The following CADM1 variants were observed in gnomAD, a reference collection of about 807,000 sequenced individuals.
CADM1 encodes cell adhesion molecule 1.
In CADM1, 15 loss-of-function variants were observed where a neutral mutation model predicts 53.1. The observed-to-expected ratio is 0.28, with a 90% CI of 0.19 to 0.44. The LOEUF (loss-of-function observed/expected upper bound fraction) is 0.44. Among genes scored for constraint, CADM1 ranks in the 20% least tolerant of loss-of-function variants. The pLI is 1.00. For synonymous variants in CADM1, 281 were observed against 243.0 expected, an observed-to-expected ratio of 1.16 and a Z score of -1.45; for missense variants, 434 against 611.3, an observed-to-expected ratio of 0.71 and a Z score of 3.06.
chr11:115,191,256 G>A (rs1029585631), intron 9 of CADM1, among the ~76,000 whole-genome samples: 5 of 152,154 alleles, frequency 3.3e-5, no homozygotes, highest in East Asian at 1.9e-4. Context: ...GTTAGCTGTC[G>A]ATGCTCTGAT....
At chr11:115,245,010 G>A (rs796527237) in intron 1 of CADM1, among the ~76,000 whole-genome samples, 3 of 152,146 alleles carry the variant, frequency 2.0e-5, no homozygotes, top group Non-Finnish European at 4.4e-5. Context: ...TTACACCGGG[G>A]GAGTCTCTCT....
intron 10 of CADM1, chr11:115,190,520 T>C (rs2134640746): frequency 5.7e-6 from 1 of 174,528 alleles, no homozygotes; most frequent in South Asian, 1.7e-4. Context: ...AAAAAAGATC[T>C]TGTCACATAA....
intron 1 of CADM1, among the ~76,000 whole-genome samples, chr11:115,251,065 A>G (rs1321220268): frequency 6.6e-6 from 1 of 152,236 alleles, no homozygotes; most frequent in Non-Finnish European, 1.5e-5. Flanking sequence ...CAGCCAATCT[A>G]TCAGCAACCA....
intron 1 of CADM1, chr11:115,240,661 T>C: frequency 1.8e-6 from 1 of 542,654 alleles, no homozygotes; most frequent in Non-Finnish European, 3.3e-6. Context: ...GTACAAAAGG[T>C]TTCAGCCTCT....
At chr11:115,279,410 C>A (rs1182819364) in intron 1 of CADM1, among the ~76,000 whole-genome samples, 1 of 152,132 alleles carries the variant, frequency 6.6e-6, no homozygotes, top group Non-Finnish European at 1.5e-5. Context: ...GGGGAATTAT[C>A]CTGTACACAG....
chr11:115,388,798 A>C (rs1946763472), intron 1 of CADM1, among the ~76,000 whole-genome samples: 1 of 152,114 alleles, frequency 6.6e-6, no homozygotes, highest in South Asian at 2.1e-4. Context: ...TTCCCCATTA[A>C]AGTAGATTGA....
At chr11:115,439,323 A>C (rs1948255885) in intron 1 of CADM1, among the ~76,000 whole-genome samples, 1 of 152,188 alleles carries the variant, frequency 6.6e-6, no homozygotes, top group South Asian at 2.1e-4. Context: ...AAGAGCCTAG[A>C]TAGGTGTCCA....
At chr11:115,271,407 C>T (rs1476127660) in intron 1 of CADM1, among the ~76,000 whole-genome samples, 4 of 152,054 alleles carry the variant, frequency 2.6e-5, no homozygotes, top group East Asian at 1.9e-4. Context: ...CTCAGCCTCC[C>T]GAGTAGCTGG....
At chr11:115,256,467 G>A (rs1385291999) in intron 1 of CADM1, among the ~76,000 whole-genome samples, 2 of 152,332 alleles carry the variant, frequency 1.3e-5, no homozygotes, top group Non-Finnish European at 1.5e-5. Context: ...AGTCACTGGA[G>A]TCAGCGTGCC....
At chr11:115,454,710 C>A (rs1026749365) in intron 1 of CADM1, among the ~76,000 whole-genome samples, 3 of 152,202 alleles carry the variant, frequency 2.0e-5, no homozygotes, top group African/African-American at 7.2e-5. Context: ...CATCCATGGG[C>A]AAGGTCCTAT....
Position 115,358,217 on chromosome 11 carries a change from T to C in CADM1, c.125-117797A>G, listed in dbSNP as rs201105980. Among the ~76,000 whole-genome samples the C allele has an allele frequency of 2.0e-4, 14 of 70,698 alleles. No homozygotes were observed. In the South Asian group the frequency reaches 5.0e-3, roughly 25 times the overall value. 46.4% of individuals were successfully genotyped at this position (70,698 alleles called of 152,430 possible). ...TCATTGATCCTCCTTCTCTCACTCA[T>C]TGTCATTTATTTTGAATCTTTAAAA... On this transcript the variant is annotated intron_variant, in intron 1 of 11. Coordinates refer to ENST00000331581, the MANE Select transcript of CADM1 (RefSeq NM_001301043.2).
chr11:115,302,060 C>A (rs1167269464), intron 1 of CADM1, among the ~76,000 whole-genome samples: 1 of 151,998 alleles, frequency 6.6e-6, no homozygotes, highest in Non-Finnish European at 1.5e-5. Flanking sequence ...CACATACAAA[C>A]ACATTACCAC....
intron 1 of CADM1, among the ~76,000 whole-genome samples, chr11:115,261,303 G>A (rs966754616): frequency 3.3e-5 from 5 of 152,160 alleles, no homozygotes; most frequent in African/African-American, 1.2e-4. Context: ...TTCAATTAGA[G>A]CATCTGTTAC....
chr11:115,462,249 A>G lies in CADM1; in HGVS notation c.124+42022T>C, dbSNP rs1040656163. The stretch of plus-strand genomic sequence containing the variant: ...GTACAGCGGAGGCAGCGGCAATTAA[A>G]TCGTGATCTATTTCAGAAAGCTGAC... On this transcript the variant is annotated intron_variant, in intron 1 of 11. Transcript: ENST00000331581. Among the ~76,000 whole-genome samples, 3 of 152,200 alleles carry G rather than the reference A, an allele frequency of 2.0e-5. No individual in the cohort carries two copies. In the South Asian group the frequency reaches 6.2e-4, roughly 31 times the overall value.
intron 1 of CADM1, among the ~76,000 whole-genome samples, chr11:115,384,238 T>C (rs766683417): frequency 3.3e-5 from 5 of 152,208 alleles, no homozygotes; most frequent in Admixed American, 1.3e-4. Context: ...TCTCCTGTTT[T>C]ATTCAAATTA....
chr11:115,443,687 C>T (rs910208603), intron 1 of CADM1, among the ~76,000 whole-genome samples: 15 of 152,270 alleles, frequency 9.9e-5, no homozygotes, highest in Admixed American at 9.8e-4. Flanking sequence ...TTTTAAAAAG[C>T]ATTGAATCAG....
At chr11:115,250,690 G>C (rs1189649021) in intron 1 of CADM1, among the ~76,000 whole-genome samples, 1 of 152,134 alleles carries the variant, frequency 6.6e-6, no homozygotes, top group East Asian at 1.9e-4. Context: ...TTTTTAAAAT[G>C]TTTTCTATGC....
chr11:115,269,344 A>G (rs1170342116), intron 1 of CADM1, among the ~76,000 whole-genome samples: 1 of 152,054 alleles, frequency 6.6e-6, no homozygotes, highest in Non-Finnish European at 1.5e-5. Flanking sequence ...GCAATTCCAC[A>G]CCAGCAGCTT....
chr11:115,231,246 G>T, intron 4 of CADM1, 107 bp downstream of exon 4: 2 of 1,226,240 alleles, frequency 1.6e-6, no homozygotes, highest in Non-Finnish European at 2.4e-6. Context: ...ATATCTAAAT[G>T]AATACTTTTG....
Sources: allele counts gnomAD v4.1 joint callset (sites outside exome capture counted in the v4.1 genomes callset), GRCh38; gene constraint gnomAD v4.1.1; transcripts MANE v1.5; gene names NCBI Gene and HGNC (gene_info 2026-07-23, HGNC 2026-07-21).